The following ELL variants were observed in gnomAD, a reference collection of about 807,000 sequenced individuals.
The protein encoded by ELL is RNA polymerase II elongation factor ELL.
ELL carries 18 observed loss-of-function variants against 64.0 expected under a neutral mutation model. The ratio of observed to expected loss-of-function variants is 0.28; its 90% CI spans 0.19 to 0.42. ELL has a LOEUF of 0.42. ELL is among the 10% of genes least tolerant of loss of function. The pLI is 1.00. For missense variants in ELL, 797 were observed against 870.4 expected (o/e 0.92, Z 1.06); for synonymous variants, 399 against 376.2 (o/e 1.06, Z -0.70).
chr19:18,451,493 T>C, intron 7 of ELL, 59 bp downstream of exon 7: 1 of 1,359,138 alleles, frequency 7.4e-7, no homozygotes, highest in Non-Finnish European at 9.6e-7. Flanking sequence ...GGGTTACTGA[T>C]GCAGCACAGA....
At chr19:18,472,494 G>T in intron 2 of ELL, 1 of 312,398 alleles carries the variant, frequency 3.2e-6, no homozygotes, top group Non-Finnish European at 5.9e-6. Context: ...CTCACCCACA[G>T]CTCACCTCCT....
intron 6 of ELL, among the ~76,000 whole-genome samples, chr19:18,456,022 A>G (rs1412329645): frequency 5.9e-5 from 9 of 152,070 alleles, no homozygotes; most frequent in Non-Finnish European, 8.8e-5. Flanking sequence ...GCTTGAACCC[A>G]GGAGACGGAC....
intron 6 of ELL, among the ~76,000 whole-genome samples, chr19:18,452,879 G>A (rs1452724905): frequency 1.3e-5 from 2 of 152,260 alleles, no homozygotes; most frequent in African/African-American, 2.4e-5. Flanking sequence ...CCCAACGGCT[G>A]CACTGCAGCT....
At chr19:18,495,743 T>G (rs1975636947) in intron 1 of ELL, among the ~76,000 whole-genome samples, 1 of 152,164 alleles carries the variant, frequency 6.6e-6, no homozygotes, top group Non-Finnish European at 1.5e-5. Flanking sequence ...TGGGGCAGTA[T>G]GCACTGCAGT....
intron 1 of ELL, among the ~76,000 whole-genome samples, chr19:18,516,125 T>C (rs1049682918): frequency 1.3e-5 from 2 of 151,836 alleles, no homozygotes; most frequent in Non-Finnish European, 2.9e-5. Flanking sequence ...TCTGGGGCCC[T>C]GCTGTGAGAA....
chr19:18,498,143 T>C (rs1394241888), intron 1 of ELL, among the ~76,000 whole-genome samples: 1 of 150,576 alleles, frequency 6.6e-6, no homozygotes, highest in East Asian at 1.9e-4. Context: ...AAAAAAAATG[T>C]CAGTGCAGGC....
intron 6 of ELL, among the ~76,000 whole-genome samples, chr19:18,452,739 A>G (rs1478962678): frequency 6.6e-6 from 1 of 152,200 alleles, no homozygotes; most frequent in Non-Finnish European, 1.5e-5. Context: ...CCACTCCTCC[A>G]GGCAGTTGGG....
At chr19:18,493,481 G>A (rs1423500331) in intron 1 of ELL, among the ~76,000 whole-genome samples, 1 of 152,262 alleles carries the variant, frequency 6.6e-6, no homozygotes, top group East Asian at 1.9e-4. Context: ...CAACTTGGGT[G>A]GAAAACAGAG....
At position 18,501,541 on chromosome 19, in the gene ELL, G is replaced by C. The variant is rs7252848; in HGVS notation, c.135+20380C>G. Among the ~76,000 whole-genome samples, 69,991 of 151,952 alleles carry C rather than the reference G, an allele frequency of 0.46. 18,585 individuals carry two copies. Among genetic ancestry groups the C allele is most frequent in the African/African-American group, 0.75 (30,890 of 41,460 alleles). The stretch of plus-strand genomic sequence containing the variant: ...CACTGGCAGAAGGGAGCAAGACACT[G>C]GTCCACGGCACAGCCAGCTCAGAGC... On this transcript the variant is annotated intron_variant, in intron 1 of 11. Transcript: ENST00000262809. The surrounding 1 kb of genome is among the most constrained non-coding windows in gnomAD (Gnocchi z 4.5).
At chr19:18,498,168 C>T (rs893049088) in intron 1 of ELL, among the ~76,000 whole-genome samples, 1 of 151,718 alleles carries the variant, frequency 6.6e-6, no homozygotes, top group Non-Finnish European at 1.5e-5. Flanking sequence ...CCATTGGAAA[C>T]AAATGTGCCA....
rs1974516910 is a variant in ELL, at chr19:18,450,912, A to G, written c.1030T>C (p.Phe344Leu). 1.3e-6 allele frequency: 2 copies of G among 1,551,324 alleles called. No individual in the cohort carries two copies. The highest frequency in any genetic ancestry group is 2.0e-5 in the Admixed American group (1 of 48,900). ...LANKKPRISH[F>L]TQRAQPAVNG... Reference sequence around the variant, plus strand: ...ACGGCAGGCTGAGCTCTCTGAGTGAAGTGCGATATCCGGGGTTTCTTGTTG... The same window carrying G: ...ACGGCAGGCTGAGCTCTCTGAGTGAGGTGCGATATCCGGGGTTTCTTGTTG... Residue 344 changes from phenylalanine (F) to leucine (L), a missense_variant, in exon 8 of 12, where the codon TTC (phenylalanine) becomes CTC (leucine). Transcript: ENST00000262809.
At chr19:18,510,994 G>A (rs183877482) in intron 1 of ELL, among the ~76,000 whole-genome samples, 249 of 152,278 alleles carry the variant, frequency 1.6e-3, no homozygotes, top group Middle Eastern at 6.8e-3. Flanking sequence ...TGGGCCGGGT[G>A]CGGTGGCTCA....
chr19:18,466,472 G>A (rs1974937341), intron 2 of ELL, among the ~76,000 whole-genome samples: 1 of 152,182 alleles, frequency 6.6e-6, no homozygotes, highest in South Asian at 2.1e-4. Context: ...TGTGTCCCAG[G>A]GGCTCACAGA....
intron 2 of ELL, among the ~76,000 whole-genome samples, chr19:18,469,017 C>A (rs951802134): frequency 6.6e-6 from 1 of 152,132 alleles, no homozygotes; most frequent in Non-Finnish European, 1.5e-5. Flanking sequence ...TAGACATCTG[C>A]CCCCCAAACT....
intron 8 of ELL, 98 bp from the exon 9 acceptor site, chr19:18,446,912 G>T: frequency 7.7e-7 from 1 of 1,297,440 alleles, no homozygotes; most frequent in Non-Finnish European, 1.1e-6. Flanking sequence ...TGTACACTTT[G>T]CTGCTGGAGG....
chr19:18,455,324 C>T (rs1211547227), intron 6 of ELL, among the ~76,000 whole-genome samples: 1 of 151,028 alleles, frequency 6.6e-6, no homozygotes, highest in African/African-American at 2.4e-5. Flanking sequence ...AACCCCATCT[C>T]TACTAAAAAT....
rs1974329834 is a variant in ELL at position 18,443,174 on chromosome 19, T to A, written c.*1578A>T. On this transcript the variant is annotated 3_prime_UTR_variant, in exon 12 of 12. Transcript: ENST00000262809. ...GGTCCAGCTGACTCTGGAGGCCTCC[T>A]GGAGCCTGCTCGGCCCTTCCCCGGC... The A allele has an allele frequency of 8.6e-6, 2 of 232,044 alleles. 1 individual carries two copies. Among genetic ancestry groups the A allele is most frequent in the South Asian group, 3.6e-4 (2 of 5,528 alleles). The allele number at this position is 232,044 out of a possible 1,614,324, so 14.4% of individuals were successfully genotyped here.
At chr19:18,502,582 C>T (rs1975802727) in intron 1 of ELL, among the ~76,000 whole-genome samples, 1 of 152,210 alleles carries the variant, frequency 6.6e-6, no homozygotes, top group African/African-American at 2.4e-5. Context: ...TCCCAGTAAT[C>T]CACACATGGG....
intron 2 of ELL, among the ~76,000 whole-genome samples, chr19:18,471,587 G>C (rs1043967122): frequency 2.0e-5 from 3 of 152,202 alleles, no homozygotes; most frequent in Admixed American, 6.5e-5. Flanking sequence ...AGAATTACTT[G>C]AATCCAGGAG....
Sources: gnomAD v4.1 joint callset for allele counts (sites outside exome capture counted in the v4.1 genomes callset) on GRCh38, gnomAD v4.1.1 for gene constraint, Gnocchi (gnomAD v3.1) non-coding constraint, MANE v1.5 for transcripts, NCBI Gene and HGNC (gene_info 2026-07-23, HGNC 2026-07-21) for gene names.